The following CFAP46 variants were observed in gnomAD, a reference collection of about 807,000 sequenced individuals.
CFAP46 encodes cilia- and flagella-associated protein 46.
A neutral mutation model predicts 325.7 loss-of-function variants in CFAP46; 245 were observed. That is an observed-to-expected ratio of 0.75 (90% confidence interval 0.68 to 0.84). The LOEUF (loss-of-function observed/expected upper bound fraction) is 0.84. CFAP46 is among the 40% of genes least tolerant of loss of function. The pLI is 0.00. For synonymous variants in CFAP46, 1,523 were observed against 1,495.9 expected (o/e 1.02, Z -0.42); for missense variants, 3,346 against 3,543.0 (o/e 0.94, Z 1.41).
At chr10:132,835,736 C>G (rs1032171923) in intron 46 of CFAP46, among the ~76,000 whole-genome samples, 2 of 152,080 alleles carry the variant, frequency 1.3e-5, no homozygotes, top group African/African-American at 4.8e-5. Context: ...TGGGAGAGGC[C>G]ACACCCCTGG....
At chr10:132,915,313 G>T (rs144640003) in intron 17 of CFAP46, among the ~76,000 whole-genome samples, 2 of 152,224 alleles carry the variant, frequency 1.3e-5, no homozygotes, top group Non-Finnish European at 2.9e-5. Flanking sequence ...CTGAAATGAC[G>T]GGGCTGTGAG....
At chr10:132,926,272 G>A (rs918561712) in intron 10 of CFAP46, among the ~76,000 whole-genome samples, 18 of 152,270 alleles carry the variant, frequency 1.2e-4, no homozygotes, top group Admixed American at 2.6e-4. Flanking sequence ...ACCACACGGC[G>A]GGGAGGGGGC....
At chr10:132,823,788 ATGTGTGCTGTGTGTGTGC>A (rs1199614990) in intron 50 of CFAP46, among the ~76,000 whole-genome samples, 1 of 114,554 alleles carries the variant, frequency 8.7e-6, no homozygotes, top group African/African-American at 3.4e-5. Context: ...GTGTGCACTG[ATGTGTGCTGTGTGTGTGC>A]TGTGTGCTGT....
At chr10:132,867,780 G>A (rs558668750) in intron 33 of CFAP46, among the ~76,000 whole-genome samples, 6 of 152,220 alleles carry the variant, frequency 3.9e-5, no homozygotes, top group East Asian at 3.9e-4. Context: ...CCATCTCTCC[G>A]GCGTGCCCAG....
intron 17 of CFAP46, 107 bp from the exon 18 acceptor site, chr10:132,913,365 T>TGG: frequency 3.6e-6 from 1 of 279,298 alleles, no homozygotes; most frequent in Non-Finnish European, 7.2e-6. Flanking sequence ...GGGCAAGAAG[T>TGG]GGGAGGGGCG....
Position 132,927,684 on chromosome 10 carries a change from C to T in CFAP46, c.967-1018G>A, listed in dbSNP as rs550776330. On this transcript the variant is annotated intron_variant, in intron 9 of 57. Transcript: ENST00000368586. ...GATCTTAAAACTCTTTATGTGGTCC[C>T]ACAAGTCCAGGTGTCTGCCTGGTTA... 1.3e-3 allele frequency among the ~76,000 whole-genome samples: 193 copies of T among 152,340 alleles called. 2 individuals are homozygous for T. The South Asian group carries it at 0.039, about 30-fold the overall frequency.
rs143548846 is a variant in CFAP46 at position 132,827,941 on chromosome 10, C to T, written c.7117+5417G>A. 2.5e-3 allele frequency among the ~76,000 whole-genome samples: 374 copies of T among 151,142 alleles called. 1 individual carries two copies. Among genetic ancestry groups the T allele is most frequent in the South Asian group, 6.1e-3 (26 of 4,268 alleles). On this transcript the variant is annotated intron_variant, in intron 50 of 57. Coordinates refer to ENST00000368586, the MANE Select transcript of CFAP46 (RefSeq NM_001200049.3). The surrounding 1 kb of genome is among the most constrained non-coding windows in gnomAD (Gnocchi z 5.7). ...CTGAGTGAGCCCCGTCACCCCTCGG[C>T]GTAATCCTTCTGAGTGAGCCCCGTC...
chr10:132,879,438 C>A lies in CFAP46; in HGVS notation c.3993G>T (p.Arg1331Ser). The A allele has an allele frequency of 6.6e-7, 1 of 1,524,608 alleles. No homozygotes were observed. Among genetic ancestry groups the A allele is most frequent in the Non-Finnish European group, 8.8e-7 (1 of 1,132,520 alleles). The allele number at this position is 1,524,608 out of a possible 1,614,324, so 94.4% of individuals were successfully genotyped here. ...CGCTGGGCCTCACCTGCCAGATGTGCCTGAAGAAGGCGTAGGCTGCAAGGC... is the reference window on the plus strand; with the variant it reads ...CGCTGGGCCTCACCTGCCAGATGTGACTGAAGAAGGCGTAGGCTGCAAGGC... ...DCCLAAYAFF[R>S]HIWQVSLMTA... is the part of the protein sequence containing the mutation. Residue 1331 changes from arginine to serine, a missense_variant, in exon 29 of 58, where the codon AGG (arginine) becomes AGT (serine). Coordinates refer to ENST00000368586, the MANE Select transcript of CFAP46 (RefSeq NM_001200049.3).
chr10:132,847,106 C>T lies in CFAP46; in HGVS notation c.6093G>A (p.Arg2031=). Residue 2031 remains arginine (R), a synonymous_variant, in exon 43 of 58, where the codon AGG becomes AGA. Coordinates refer to ENST00000368586, the MANE Select transcript of CFAP46 (RefSeq NM_001200049.3). This position sits in a 1 kb window ranked among gnomAD's most constrained non-coding sequence, Gnocchi z 5.2. ...CCAGGTACTGCTGGGCCAGAACCAT[C>T]CTCCTCTGTGGGGCACAAGGCTCAG... ...HCRRGEDLKR[R]MVLAQQYLAQ... is the part of the protein sequence containing the mutation. The T allele has an allele frequency of 1.2e-6, 2 of 1,610,508 alleles. No homozygotes were observed. The highest frequency in any genetic ancestry group is 1.7e-6 in the Non-Finnish European group (2 of 1,178,932).
At chr10:132,917,902 C>T (rs1409495445) in intron 16 of CFAP46, among the ~76,000 whole-genome samples, 1 of 150,550 alleles carries the variant, frequency 6.6e-6, no homozygotes, top group East Asian at 2.0e-4. Context: ...CCAGGATGCA[C>T]CTCAGCACCG....
chr10:132,825,061 GAT>G (rs1848016357), intron 50 of CFAP46, among the ~76,000 whole-genome samples: 1 of 145,480 alleles, frequency 6.9e-6, no homozygotes, highest in Admixed American at 6.9e-5. Context: ...TGTGTGCGCT[GAT>G]GTGTGCTGTG....
At chr10:132,846,334 T>C (rs1591049273) in intron 43 of CFAP46, 107 bp from the exon 44 acceptor site, 1 of 1,338,978 alleles carries the variant, frequency 7.5e-7, no homozygotes, top group Middle Eastern at 2.6e-4. Flanking sequence ...AGGAGTGGGC[T>C]GGCTCTCCTG....
At chr10:132,855,744 G>A (rs558907635) in intron 39 of CFAP46, among the ~76,000 whole-genome samples, 1 of 152,300 alleles carries the variant, frequency 6.6e-6, no homozygotes, top group African/African-American at 2.4e-5. Context: ...TTCACGCAGA[G>A]CATAGAAACC....
intron 38 of CFAP46, 131 bp downstream of exon 38, chr10:132,858,940 A>AG: frequency 2.2e-6 from 2 of 895,902 alleles, no homozygotes; most frequent in Non-Finnish European, 3.3e-6. Context: ...AGAGCTTCCC[A>AG]GGGGAGGGTC....
At chr10:132,870,118 T>C (rs763530392) in intron 32 of CFAP46, among the ~76,000 whole-genome samples, 10 of 152,330 alleles carry the variant, frequency 6.6e-5, no homozygotes, top group Non-Finnish European at 1.5e-4. Context: ...TGATCTGTGT[T>C]CAGTGATCTT....
At chr10:132,823,345 G>GA (rs796579681) in intron 50 of CFAP46, among the ~76,000 whole-genome samples, 2 of 119,930 alleles carry the variant, frequency 1.7e-5, no homozygotes, top group African/African-American at 3.3e-5. Context: ...GATGTGTGCT[G>GA]TGTGTGCTGA....
At chr10:132,821,265 A>G (rs1184342113) in intron 50 of CFAP46, among the ~76,000 whole-genome samples, 1 of 94,090 alleles carries the variant, frequency 1.1e-5, no homozygotes, top group African/African-American at 4.7e-5. Flanking sequence ...GTGAGCGCTG[A>G]TGTGTGCTGT....
At chr10:132,837,821 GCA>G (rs748708604) in intron 44 of CFAP46, among the ~76,000 whole-genome samples, 16 of 102,996 alleles carry the variant, frequency 1.6e-4, no homozygotes, top group African/African-American at 3.9e-4. Flanking sequence ...GTACACAGAT[GCA>G]CACACACAGA....
intron 17 of CFAP46, among the ~76,000 whole-genome samples, chr10:132,914,769 C>T (rs1849609583): frequency 8.7e-6 from 1 of 115,280 alleles, no homozygotes; most frequent in Admixed American, 8.6e-5. Context: ...AGGCTGTGTC[C>T]AGCCACACTG....
Sources: gnomAD v4.1 joint callset for allele counts (sites outside exome capture counted in the v4.1 genomes callset) on GRCh38, gnomAD v4.1.1 for gene constraint, Gnocchi (gnomAD v3.1) non-coding constraint, MANE v1.5 for transcripts, NCBI Gene and HGNC (gene_info 2026-07-23, HGNC 2026-07-21) for gene names.